CAMK4: variants seen among roughly 807,000 people sequenced by gnomAD.
The protein encoded by CAMK4 is calcium/calmodulin-dependent protein kinase type IV.
Under a neutral mutation model 44.9 loss-of-function variants are expected in CAMK4, and 22 were observed. The ratio of observed to expected loss-of-function variants is 0.49; its 90% CI spans 0.35 to 0.70. The LOEUF (loss-of-function observed/expected upper bound fraction) is 0.70. CAMK4 is among the 30% of genes least tolerant of loss of function. CAMK4 has a pLI of 0.01. For missense variants in CAMK4, 498 were observed against 586.8 expected (o/e 0.85, Z 1.56); for synonymous variants, 218 against 215.4 (o/e 1.01, Z -0.11).
chr5:111,484,500 G>T lies in CAMK4; in HGVS notation c.*34G>T. On this transcript the variant is annotated 3_prime_UTR_variant, in exon 11 of 11. Coordinates refer to ENST00000282356, the MANE Select transcript of CAMK4 (RefSeq NM_001744.6). The surrounding 1 kb of genome is among the most constrained non-coding windows in gnomAD (Gnocchi z 5.3). ...CTTCAGATCTGGAAGCCAAACACCGGCATTTTATGTACTTTGTCCTTCAGC... is the reference window on the plus strand; with the variant it reads ...CTTCAGATCTGGAAGCCAAACACCGTCATTTTATGTACTTTGTCCTTCAGC... 7.2e-7 allele frequency: 1 copy of T among 1,385,060 alleles called. No individual in the cohort carries two copies. The highest frequency in any genetic ancestry group is 9.7e-7 in the Non-Finnish European group (1 of 1,027,514). The allele number at this position is 1,385,060 out of a possible 1,614,324, so 85.8% of individuals were successfully genotyped here.
chr5:111,371,973 T>C (rs981876697), intron 2 of CAMK4, among the ~76,000 whole-genome samples: 1 of 152,194 alleles, frequency 6.6e-6, no homozygotes, highest in African/African-American at 2.4e-5. Flanking sequence ...GTTCACCAGC[T>C]AAGTGATTGC....
intron 4 of CAMK4, among the ~76,000 whole-genome samples, chr5:111,393,199 T>A (rs1200717312): frequency 6.6e-6 from 1 of 152,178 alleles, no homozygotes; most frequent in Non-Finnish European, 1.5e-5. Context: ...GCATTGATAA[T>A]CAATTACTGT....
chr5:111,317,782 A>C (rs985572239), intron 1 of CAMK4, among the ~76,000 whole-genome samples: 1 of 151,938 alleles, frequency 6.6e-6, no homozygotes, highest in Non-Finnish European at 1.5e-5. Context: ...ATGCTCTGCC[A>C]TGGCCATGTT....
intron 1 of CAMK4, among the ~76,000 whole-genome samples, chr5:111,343,635 T>A (rs1468720743): frequency 6.6e-6 from 1 of 151,692 alleles, no homozygotes; most frequent in Non-Finnish European, 1.5e-5. Context: ...CTCCCTGAAG[T>A]CATATGGTTT....
intron 2 of CAMK4, among the ~76,000 whole-genome samples, chr5:111,354,463 G>T (rs1226299646): frequency 7.0e-6 from 1 of 141,886 alleles, no homozygotes; most frequent in Non-Finnish European, 1.5e-5. Flanking sequence ...AAAAAACTAC[G>T]TGAGGTGATG....
At chr5:111,316,426 C>T (rs915051493) in intron 1 of CAMK4, among the ~76,000 whole-genome samples, 4 of 152,038 alleles carry the variant, frequency 2.6e-5, no homozygotes, top group Admixed American at 2.0e-4. Flanking sequence ...GAGTTGTAAC[C>T]TTCTTTTCCT....
intron 1 of CAMK4, among the ~76,000 whole-genome samples, chr5:111,317,743 C>G (rs534749531): frequency 2.0e-5 from 3 of 151,958 alleles, no homozygotes; most frequent in Non-Finnish European, 4.4e-5. Context: ...ACAGATTCCT[C>G]TGCTCAAAAG....
At chr5:111,450,119 A>G (rs7718157) in intron 7 of CAMK4, among the ~76,000 whole-genome samples, 70,320 of 151,570 alleles carry the variant, frequency 0.46, 16,498 homozygotes, top group Middle Eastern at 0.58. Flanking sequence ...AGGAGTTCAA[A>G]GCTAGCCTGG....
Position 111,486,021 on chromosome 5 carries a change from A to G in CAMK4, c.*1555A>G, listed in dbSNP as rs1273783906. 1 of 152,234 alleles carries G rather than the reference A, an allele frequency of 6.6e-6. No individual in the cohort carries two copies. The highest frequency in any genetic ancestry group is 1.5e-5 in the Non-Finnish European group (1 of 68,034). 9.4% of individuals were successfully genotyped at this position (152,234 alleles called of 1,614,324 possible). ...AGACAATAAAAATGACTATCACATA[A>G]AAATCCTTGTTAAAAAAGAGATCTT... On this transcript the variant is annotated 3_prime_UTR_variant, in exon 11 of 11. Coordinates refer to ENST00000282356, the MANE Select transcript of CAMK4 (RefSeq NM_001744.6).
intron 2 of CAMK4, among the ~76,000 whole-genome samples, chr5:111,345,928 G>T (rs1334908228): frequency 6.6e-6 from 1 of 151,958 alleles, no homozygotes; most frequent in Non-Finnish European, 1.5e-5. Flanking sequence ...GGTGCTGTAA[G>T]GCAGATGTTG....
At chr5:111,455,701 A>G (rs1383682499) in intron 7 of CAMK4, among the ~76,000 whole-genome samples, 1 of 152,138 alleles carries the variant, frequency 6.6e-6, no homozygotes, top group Non-Finnish European at 1.5e-5. Context: ...GGCTGGCCAT[A>G]TTTGGCCCTG....
intron 2 of CAMK4, among the ~76,000 whole-genome samples, chr5:111,370,441 C>T (rs1341033201): frequency 6.6e-6 from 1 of 152,074 alleles, no homozygotes; most frequent in East Asian, 1.9e-4. Context: ...TCACACTTTA[C>T]ATTGATCAGA....
intron 5 of CAMK4, among the ~76,000 whole-genome samples, chr5:111,413,731 T>G (rs891795365): frequency 6.6e-6 from 1 of 152,106 alleles, no homozygotes; most frequent in Non-Finnish European, 1.5e-5. Context: ...GTCAGTAGAT[T>G]TGGTTTCATT....
chr5:111,267,559 C>T (rs1289773468), intron 1 of CAMK4, among the ~76,000 whole-genome samples: 3 of 152,044 alleles, frequency 2.0e-5, no homozygotes, highest in Non-Finnish European at 4.4e-5. Context: ...AAAAAATTAG[C>T]GGGGCGCAGT....
chr5:111,426,717 G>A (rs1015823896), intron 5 of CAMK4, among the ~76,000 whole-genome samples: 2 of 152,194 alleles, frequency 1.3e-5, no homozygotes, highest in Non-Finnish European at 2.9e-5. Flanking sequence ...CAGCAATTGT[G>A]AGGCACTGAA....
chr5:111,449,219 A>T lies in CAMK4; in HGVS notation c.625+16A>T, dbSNP rs909192737. On this transcript the variant is annotated intron_variant, in intron 7 of 10. Coordinates refer to ENST00000282356, the MANE Select transcript of CAMK4 (RefSeq NM_001744.6). ...GGGTACTGCGGTATGCTCTTTAATA[A>T]TTATATTTTACTTTTATTGTTATTT... 4.2e-6 allele frequency: 5 copies of T among 1,185,636 alleles called. No individual in the cohort carries two copies. Among genetic ancestry groups the T allele is most frequent in the Non-Finnish European group, 4.8e-6 (4 of 828,560 alleles). 73.4% of individuals were successfully genotyped at this position (1,185,636 alleles called of 1,614,324 possible).
At chr5:111,288,209 A>C (rs1215634546) in intron 1 of CAMK4, among the ~76,000 whole-genome samples, 1 of 152,126 alleles carries the variant, frequency 6.6e-6, no homozygotes. Context: ...TTATTTTTCT[A>C]TTCTGCTCAA....
At chr5:111,322,405 C>G (rs1028671704) in intron 1 of CAMK4, among the ~76,000 whole-genome samples, 2 of 151,950 alleles carry the variant, frequency 1.3e-5, no homozygotes, top group Non-Finnish European at 2.9e-5. Context: ...GGGCAAGGAC[C>G]ATGACACAGA....
At chr5:111,294,654 T>G (rs1017262696) in intron 1 of CAMK4, among the ~76,000 whole-genome samples, 22 of 152,042 alleles carry the variant, frequency 1.4e-4, no homozygotes, top group Admixed American at 2.6e-4. Flanking sequence ...TGTATTCTGT[T>G]TCAAATGTTG....
Sources: allele counts gnomAD v4.1 joint callset (sites outside exome capture counted in the v4.1 genomes callset), GRCh38; gene constraint gnomAD v4.1.1; non-coding constraint Gnocchi (gnomAD v3.1); transcripts MANE v1.5; gene names NCBI Gene and HGNC (gene_info 2026-07-23, HGNC 2026-07-21).